CCDC102B: variants seen among roughly 807,000 people sequenced by gnomAD.
CCDC102B encodes the protein coiled-coil domain containing 102B.
CCDC102B carries 75 observed loss-of-function variants against 57.4 expected under a neutral mutation model. That is an observed-to-expected ratio of 1.31 (90% CI 1.08 to 1.58). The LOEUF (loss-of-function observed/expected upper bound fraction) is 1.58. Among genes scored for constraint, CCDC102B ranks in the 40% most tolerant of loss-of-function variants. The pLI, the probability that CCDC102B is intolerant of heterozygous loss-of-function variation, is 0.00. For synonymous variants in CCDC102B, 206 were observed against 201.9 expected (o/e 1.02, Z -0.17); for missense variants, 636 against 582.6 (o/e 1.09, Z -0.94).
At chr18:69,042,244 C>A (rs952406427) in intron 7 of CCDC102B, among the ~76,000 whole-genome samples, 2 of 151,896 alleles carry the variant, frequency 1.3e-5, no homozygotes, top group African/African-American at 2.4e-5. Flanking sequence ...CTCAGATTTA[C>A]AATATAGGAA....
At chr18:68,959,569 G>C (rs1216013261) in intron 6 of CCDC102B, among the ~76,000 whole-genome samples, 4 of 152,096 alleles carry the variant, frequency 2.6e-5, no homozygotes, top group Admixed American at 2.6e-4. Flanking sequence ...CTCTAGCCAG[G>C]CTTGTGTCCT....
At chr18:68,879,623 C>T (rs2039600127) in intron 5 of CCDC102B, among the ~76,000 whole-genome samples, 1 of 152,048 alleles carries the variant, frequency 6.6e-6, no homozygotes, top group Non-Finnish European at 1.5e-5. Context: ...TTGGTGCATT[C>T]ACAAACCCTG....
intron 1 of CCDC102B, among the ~76,000 whole-genome samples, chr18:68,810,787 C>A (rs2036234099): frequency 6.7e-6 from 1 of 148,416 alleles, no homozygotes; most frequent in South Asian, 2.1e-4. Context: ...GTTTGCTGCA[C>A]CCATCAATGC....
intron 6 of CCDC102B, among the ~76,000 whole-genome samples, chr18:68,955,077 A>G (rs2049804091): frequency 6.6e-6 from 1 of 152,184 alleles, no homozygotes; most frequent in Non-Finnish European, 1.5e-5. Context: ...AAACTGTCAA[A>G]TGACAATGAT....
In CCDC102B at chr18:68,846,312, G is replaced by T. The variant is rs1290703040; in HGVS notation, c.828-1G>T. 1 of 1,493,754 alleles carries T rather than the reference G, an allele frequency of 6.7e-7. No individual in the cohort carries two copies. Among genetic ancestry groups the T allele is most frequent in the Non-Finnish European group, 8.9e-7 (1 of 1,126,754 alleles). 92.5% of individuals were successfully genotyped at this position (1,493,754 alleles called of 1,614,324 possible). On this transcript the variant is annotated splice_acceptor_variant, in intron 3 of 7. Coordinates refer to ENST00000360242, the MANE Select transcript of CCDC102B (RefSeq NM_024781.3). LOFTEE classifies it high-confidence loss of function. ...TTTCTTTTAATTCTTAAATTATTTAGAATGCGCACAGCTTTGGAAAAAGAA... is the reference window on the plus strand; with the variant it reads ...TTTCTTTTAATTCTTAAATTATTTATAATGCGCACAGCTTTGGAAAAAGAA...
rs769104541 is a variant in CCDC102B, at chr18:69,010,953, A to T, written c.1283A>T (p.His428Leu). The T allele has an allele frequency of 1.9e-6, 3 of 1,597,956 alleles. No individual in the cohort carries two copies. The South Asian group carries it at 3.4e-5, about 18-fold the overall frequency. Reference sequence around the variant, plus strand: ...TGAAAGGAATTACTGAACCTTCAACATGCCTACTATAAACTAAACAGACAA... The same window carrying T: ...TGAAAGGAATTACTGAACCTTCAACTTGCCTACTATAAACTAAACAGACAA... ...EKNQELLNLQHAYYKLNRQYQ... is the reference protein window; with the variant it reads ...EKNQELLNLQLAYYKLNRQYQ... Residue 428 changes from histidine (H) to leucine (L), a missense_variant, in exon 7 of 8, where the codon CAT becomes CTT. Transcript: ENST00000360242.
chr18:68,808,844 T>C (rs773080924), intron 1 of CCDC102B, among the ~76,000 whole-genome samples: 2 of 152,194 alleles, frequency 1.3e-5, no homozygotes, highest in Non-Finnish European at 2.9e-5. Flanking sequence ...AAATGATTGG[T>C]TTAATGCCTT....
chr18:68,717,524 A>G (rs545347050), intron 2 of CCDC102B, among the ~76,000 whole-genome samples: 2 of 152,314 alleles, frequency 1.3e-5, no homozygotes, highest in Non-Finnish European at 2.9e-5. Context: ...TCCGTTGCAC[A>G]TCACTGATCT....
At chr18:68,808,725 A>G (rs538573244) in intron 1 of CCDC102B, among the ~76,000 whole-genome samples, 19 of 151,988 alleles carry the variant, frequency 1.3e-4, no homozygotes, top group Middle Eastern at 3.4e-3. Flanking sequence ...TGATCCGCCC[A>G]CCTTGGCCTC....
chr18:68,715,240 C>A lies in CCDC102B; in HGVS notation c.-255C>A, dbSNP rs1308015351. ...TAAGAATCCTTTGCGCTCTCGGTGCCCCCCTCCACGCCCAGGAGCGTGGGA... is the reference window on the plus strand; with the variant it reads ...TAAGAATCCTTTGCGCTCTCGGTGCACCCCTCCACGCCCAGGAGCGTGGGA... On this transcript the variant is annotated 5_prime_UTR_variant, in exon 1 of 4. Transcript: ENST00000578970. 4 of 1,344,646 alleles carry A rather than the reference C, an allele frequency of 3.0e-6. No homozygotes were observed. The East Asian group carries it at 9.7e-5, about 33-fold the overall frequency. 83.3% of individuals were successfully genotyped at this position (1,344,646 alleles called of 1,614,324 possible).
chr18:68,894,968 A>C (rs987234540), intron 5 of CCDC102B, among the ~76,000 whole-genome samples: 3 of 151,928 alleles, frequency 2.0e-5, no homozygotes, highest in Non-Finnish European at 4.4e-5. Flanking sequence ...GCAAGTTCAC[A>C]AAGACTTGAC....
In CCDC102B at chr18:68,807,531, G is replaced by T. The variant is rs531285520; in HGVS notation, c.-16+9350G>T. ...GGGAGGCAAAATAAAAACCAAGCAA[G>T]CTTTGAGAAATGTAAGAGTTTAATC... is the stretch of plus-strand genomic sequence containing the variant. On this transcript the variant is annotated intron_variant, in intron 1 of 7. Coordinates refer to ENST00000360242, the MANE Select transcript of CCDC102B (RefSeq NM_024781.3). Among the ~76,000 whole-genome samples, 5 of 152,258 alleles carry T rather than the reference G, an allele frequency of 3.3e-5. No individual in the cohort carries two copies. The South Asian group carries it at 1.0e-3, about 32-fold the overall frequency.
intron 2 of CCDC102B, among the ~76,000 whole-genome samples, chr18:68,739,933 T>C (rs941938695): frequency 6.6e-6 from 1 of 152,242 alleles, no homozygotes; most frequent in Non-Finnish European, 1.5e-5. Context: ...TGTCCCAAGA[T>C]AATTGGATTA....
intron 2 of CCDC102B, among the ~76,000 whole-genome samples, chr18:68,720,521 G>A (rs183492752): frequency 5.9e-5 from 9 of 152,268 alleles, no homozygotes; most frequent in South Asian, 2.1e-4. Flanking sequence ...GCACATGAAC[G>A]TGGTTCCTGA....
At chr18:68,847,291 G>A (rs531350855) in intron 4 of CCDC102B, among the ~76,000 whole-genome samples, 2 of 151,874 alleles carry the variant, frequency 1.3e-5, no homozygotes, top group African/African-American at 4.8e-5. Flanking sequence ...TTGATGTATA[G>A]TGGAAAAATA....
intron 7 of CCDC102B, among the ~76,000 whole-genome samples, chr18:69,018,791 G>T (rs569612989): frequency 1.7e-4 from 25 of 151,160 alleles, no homozygotes; most frequent in African/African-American, 5.4e-4. Flanking sequence ...GTTTATTTTT[G>T]ATTTTGTTCC....
chr18:68,884,348 A>T (rs1379809445), intron 5 of CCDC102B, among the ~76,000 whole-genome samples: 2 of 152,192 alleles, frequency 1.3e-5, no homozygotes, highest in Non-Finnish European at 2.9e-5. Context: ...AAAGAATGGG[A>T]TTATGTATTT....
At chr18:68,717,049 C>T (rs2032054541) in intron 2 of CCDC102B, among the ~76,000 whole-genome samples, 1 of 151,084 alleles carries the variant, frequency 6.6e-6, no homozygotes, top group African/African-American at 2.4e-5. Context: ...TGCACTCCAG[C>T]CTGGGCGACA....
intron 2 of CCDC102B, among the ~76,000 whole-genome samples, chr18:68,765,642 C>G (rs2034447226): frequency 6.6e-6 from 1 of 152,112 alleles, no homozygotes; most frequent in Admixed American, 6.5e-5. Flanking sequence ...CCATTATATA[C>G]ATCAGTAACA....
Sources: gnomAD v4.1 joint callset for allele counts (sites outside exome capture counted in the v4.1 genomes callset) on GRCh38, gnomAD v4.1.1 for gene constraint, MANE v1.5 for transcripts, NCBI Gene and HGNC (gene_info 2026-07-23, HGNC 2026-07-21) for gene names.